The following IL22RA2 variants were observed in gnomAD, a reference collection of about 807,000 sequenced individuals.
The protein encoded by IL22RA2 is interleukin 22 receptor subunit alpha 2.
A neutral mutation model predicts 30.7 loss-of-function variants in IL22RA2; 39 were observed. The observed-to-expected ratio is 1.27, with a 90% CI of 0.98 to 1.66. IL22RA2 has a LOEUF of 1.66. Ranked by LOEUF, IL22RA2 falls within the 40% of genes most tolerant of loss-of-function variation. IL22RA2 has a pLI of 0.00. For synonymous variants in IL22RA2, 103 were observed against 105.0 expected (o/e 0.98, Z 0.11); for missense variants, 315 against 312.7 (o/e 1.01, Z -0.05).
chr6:137,145,083 TTAA>T lies in IL22RA2; in HGVS notation c.*538_*540del, dbSNP rs1428933706. ...ATTTTGATTCATTAAGTAGAAATAT[TTAA>T]TAATAATAAATATATAAAAAGTATA... On this transcript the variant is annotated 3_prime_UTR_variant, in exon 7 of 7. Transcript: ENST00000296980. The T allele has an allele frequency of 1.3e-5, 2 of 150,842 alleles. No individual in the cohort carries two copies. The highest frequency in any genetic ancestry group is 3.0e-5 in the Non-Finnish European group (2 of 67,732). The allele number at this position is 150,842 out of a possible 1,614,324, so 9.3% of individuals were successfully genotyped here. A position where few individuals can be genotyped will look rare whatever the true frequency, so the allele number is the denominator to read the frequency against.
chr6:137,147,892 C>T lies in IL22RA2; in HGVS notation c.473-1G>A, dbSNP rs1778213191. On this transcript the variant is annotated splice_acceptor_variant, in intron 5 of 6. Coordinates refer to ENST00000296980, the MANE Select transcript of IL22RA2 (RefSeq NM_052962.3). LOFTEE classifies it high-confidence loss of function. ...TTCATGACTGGAGGATCTATTTTTG[C>T]TGAAGAAAAAACATAAAAATTTGAC... 1 of 1,605,942 alleles carries T rather than the reference C, an allele frequency of 6.2e-7. No homozygotes were observed.
At chr6:137,146,007 C>T (rs116683538) in intron 6 of IL22RA2, among the ~76,000 whole-genome samples, 1 of 151,994 alleles carries the variant, frequency 6.6e-6, no homozygotes. Flanking sequence ...GCTGGTTGAC[C>T]CCATGGTCAG....
intron 1 of IL22RA2, among the ~76,000 whole-genome samples, chr6:137,166,926 C>G (rs984619978): frequency 6.6e-6 from 1 of 152,226 alleles, no homozygotes; most frequent in Admixed American, 6.5e-5. Context: ...GAAACTGGAG[C>G]TACACCCTGT....
intron 1 of IL22RA2, among the ~76,000 whole-genome samples, chr6:137,167,916 T>C (rs1778654543): frequency 6.6e-6 from 1 of 152,210 alleles, no homozygotes; most frequent in Admixed American, 6.5e-5. Context: ...GGCTGAAGCC[T>C]GAGGAAGTCA....
intron 1 of IL22RA2, among the ~76,000 whole-genome samples, chr6:137,167,895 A>G (rs976799499): frequency 2.6e-5 from 4 of 152,236 alleles, no homozygotes; most frequent in Non-Finnish European, 1.5e-5. Context: ...GAAGCTGACT[A>G]GTCTATGCAT....
chr6:137,159,141 T>C (rs570343587), intron 2 of IL22RA2, among the ~76,000 whole-genome samples: 3 of 152,316 alleles, frequency 2.0e-5, no homozygotes, highest in Admixed American at 2.0e-4. Context: ...AATCATGGCA[T>C]GGCATGGGAT....
intron 5 of IL22RA2, among the ~76,000 whole-genome samples, chr6:137,149,887 G>T (rs1371127930): frequency 6.6e-6 from 1 of 152,106 alleles, no homozygotes; most frequent in African/African-American, 2.4e-5. Flanking sequence ...CTGGTCCCTT[G>T]CTTGAAATGC....
At chr6:137,173,204 T>C (rs1269863196) in intron 1 of IL22RA2, among the ~76,000 whole-genome samples, 1 of 152,180 alleles carries the variant, frequency 6.6e-6, no homozygotes, top group Non-Finnish European at 1.5e-5. Context: ...CAACCCCGTC[T>C]GTACTAAAAA....
At position 137,145,626 on chromosome 6, in the gene IL22RA2, A is replaced by G. The variant is rs377536724; in HGVS notation, c.790T>C (p.Ter264ArgextTer16). 2.5e-6 allele frequency: 4 copies of G among 1,603,852 alleles called. No individual in the cohort carries two copies. The highest frequency in any genetic ancestry group is 3.4e-6 in the Non-Finnish European group (4 of 1,174,454). Residue 264 changes from the stop codon to arginine (R), a stop_lost, in exon 7 of 7, where the codon TGA (stop) becomes CGA (arginine). Transcript: ENST00000296980. ...TGCTGAATGCCAAATTCCACAAGTC[A>G]TGGAATTTCCACACATCTCTCTTCA... ...RSEERCVEIP[*>R]
At chr6:137,161,873 C>G (rs1459433259) in intron 1 of IL22RA2, 59 bp from the exon 2 acceptor site, 2 of 588,242 alleles carry the variant, frequency 3.4e-6, no homozygotes, top group Non-Finnish European at 6.2e-6. Flanking sequence ...TTCCTTGAAG[C>G]AACTACAATT....
At chr6:137,157,428 T>C (rs1233040923) in intron 3 of IL22RA2, among the ~76,000 whole-genome samples, 1 of 151,646 alleles carries the variant, frequency 6.6e-6, no homozygotes, top group Non-Finnish European at 1.5e-5. Context: ...ACATAAAATA[T>C]GTAGAGAGAA....
chr6:137,168,439 G>A (rs1365126356), intron 1 of IL22RA2, among the ~76,000 whole-genome samples: 2 of 151,952 alleles, frequency 1.3e-5, no homozygotes, highest in African/African-American at 2.4e-5. Flanking sequence ...GCGCATAAAG[G>A]GCCCGTCTCC....
intron 4 of IL22RA2, among the ~76,000 whole-genome samples, chr6:137,155,858 TG>T (rs1778396096): frequency 1.3e-5 from 2 of 152,234 alleles, no homozygotes; most frequent in Non-Finnish European, 2.9e-5. Flanking sequence ...GTGTGTGGAC[TG>T]ACTTCCATTT....
At chr6:137,161,069 C>T (rs1312228119) in intron 2 of IL22RA2, among the ~76,000 whole-genome samples, 1 of 152,204 alleles carries the variant, frequency 6.6e-6, no homozygotes, top group African/African-American at 2.4e-5. Flanking sequence ...TACACTCCTG[C>T]AGTTTCCTCC....
At chr6:137,169,220 A>G (rs1408599872) in intron 1 of IL22RA2, among the ~76,000 whole-genome samples, 1 of 152,248 alleles carries the variant, frequency 6.6e-6, no homozygotes, top group Non-Finnish European at 1.5e-5. Flanking sequence ...TAGGTCAACA[A>G]TATTTTGAAG....
intron 3 of IL22RA2, among the ~76,000 whole-genome samples, chr6:137,157,737 G>T (rs1248811089): frequency 1.3e-5 from 2 of 150,596 alleles, no homozygotes; most frequent in African/African-American, 2.4e-5. Context: ...AAGAGTGTTT[G>T]TTTCCAAGCC....
In IL22RA2 at chr6:137,152,498, A is replaced by T. The variant is rs188751649; in HGVS notation, c.472+2443T>A. Among the ~76,000 whole-genome samples the T allele has an allele frequency of 1.2e-3, 183 of 152,344 alleles. 6 individuals are homozygous for T. The South Asian group carries it at 0.02, about 16-fold the overall frequency. ...TGTATTATATTAGTCTATCTAGAAC[A>T]GGGAACTCTATAGAGACAGAAAGAT... On this transcript the variant is annotated intron_variant, in intron 5 of 6. Coordinates refer to ENST00000296980, the MANE Select transcript of IL22RA2 (RefSeq NM_052962.3).
intron 3 of IL22RA2, among the ~76,000 whole-genome samples, chr6:137,157,639 T>A (rs759651659): frequency 1.8e-4 from 27 of 152,162 alleles, no homozygotes; most frequent in Non-Finnish European, 8.8e-5. Context: ...TAATATCTCC[T>A]GTCTCACTGT....
chr6:137,153,725 G>A (rs1362155531), intron 5 of IL22RA2, among the ~76,000 whole-genome samples: 2 of 152,106 alleles, frequency 1.3e-5, no homozygotes, highest in Non-Finnish European at 2.9e-5. Flanking sequence ...AATACAATGG[G>A]GTCAGGTGGA....
Sources: gnomAD v4.1 joint callset for allele counts (sites outside exome capture counted in the v4.1 genomes callset) on GRCh38, gnomAD v4.1.1 for gene constraint, MANE v1.5 for transcripts, NCBI Gene and HGNC (gene_info 2026-07-23, HGNC 2026-07-21) for gene names.